Variants in DIABLO observed in about 807,000 individuals in gnomAD.
The protein encoded by DIABLO is diablo homolog, mitochondrial.
DIABLO carries 32 observed loss-of-function variants against 31.7 expected under a neutral mutation model. The ratio of observed to expected loss-of-function variants is 1.01; its 90% CI spans 0.76 to 1.35. The LOEUF is 1.35. Among genes scored for constraint, DIABLO ranks in the 40% most tolerant of loss-of-function variants. The pLI, the probability that DIABLO is intolerant of heterozygous loss-of-function variation, is 0.00. For missense variants in DIABLO, 316 were observed against 286.4 expected (o/e 1.10, Z -0.75); for synonymous variants, 132 against 103.2 (o/e 1.28, Z -1.69).
chr12:122,211,447 G>A (rs553659092), intron 5 of DIABLO, among the ~76,000 whole-genome samples: 8 of 151,738 alleles, frequency 5.3e-5, no homozygotes, highest in South Asian at 4.2e-4. Context: ...CTCAGCTCAC[G>A]CCTGTGATCC....
chr12:122,209,006 CTA>C, intron 5 of DIABLO: 1 of 330,476 alleles, frequency 3.0e-6, no homozygotes, highest in South Asian at 2.5e-5. Context: ...TATTTTTTTA[CTA>C]TAAATTTATG....
intron 2 of DIABLO, among the ~76,000 whole-genome samples, chr12:122,219,106 G>A (rs1447392331): frequency 2.0e-5 from 3 of 151,474 alleles, no homozygotes; most frequent in Non-Finnish European, 4.4e-5. Flanking sequence ...GGTGGCACAC[G>A]CCTGTAGTCC....
At chr12:122,219,218 C>T (rs1209311710) in intron 2 of DIABLO, among the ~76,000 whole-genome samples, 7 of 151,496 alleles carry the variant, frequency 4.6e-5, no homozygotes, top group South Asian at 4.2e-4. Context: ...GGTGACAGAG[C>T]GAGACTACAT....
chr12:122,216,622 A>C (rs141116532), intron 4 of DIABLO, 38 bp from the exon 5 acceptor site: 1 of 1,596,638 alleles, frequency 6.3e-7, no homozygotes, highest in African/African-American at 1.3e-5. Flanking sequence ...ACAGCATAAG[A>C]GGTCTAGCCC....
At chr12:122,215,864 C>T (rs1236888064) in intron 5 of DIABLO, among the ~76,000 whole-genome samples, 2 of 145,002 alleles carry the variant, frequency 1.4e-5, no homozygotes, top group African/African-American at 2.6e-5. Flanking sequence ...TTGTAAAACC[C>T]CATCTCTATT....
chr12:122,209,651 A>AC, intron 5 of DIABLO: 1 of 675,762 alleles, frequency 1.5e-6, no homozygotes. Context: ...GGTGAGAGTG[A>AC]AACTCGTCTC....
In DIABLO at chr12:122,222,678, G is replaced by A. The variant is rs1412954490; in HGVS notation, c.183+1834C>T. ...GACAATTTTTTCATGGACTGGGTGG[G>A]GTGAGGATGGTTTCAGGATGAAACT... On this transcript the variant is annotated intron_variant, in intron 2 of 5. Transcript: ENST00000464942. 3 of 152,136 alleles carry A rather than the reference G, an allele frequency of 2.0e-5. No homozygotes were observed. In the East Asian group the frequency reaches 5.8e-4, roughly 29 times the overall value. 9.4% of individuals were successfully genotyped at this position (152,136 alleles called of 1,614,324 possible). A position where few individuals can be genotyped will look rare whatever the true frequency, so the allele number is the denominator to read the frequency against.
At chr12:122,213,947 T>C (rs1392542431) in intron 5 of DIABLO, among the ~76,000 whole-genome samples, 1 of 151,960 alleles carries the variant, frequency 6.6e-6, no homozygotes, top group Non-Finnish European at 1.5e-5. Context: ...TAGCCAGGCA[T>C]GGTGGCAGGC....
upstream of DIABLO, chr12:122,226,676 AG>A: frequency 1.6e-6 from 1 of 619,676 alleles, no homozygotes; most frequent in South Asian, 1.8e-5. Context: ...AACGAAGGCC[AG>A]GAAGCCCACA....
upstream of DIABLO, chr12:122,226,774 G>A: frequency 3.6e-6 from 2 of 555,028 alleles, no homozygotes; most frequent in Non-Finnish European, 6.4e-6. Flanking sequence ...CTCGTTCTTC[G>A]GCTCTGATCC....
chr12:122,215,825 C>T lies in DIABLO; in HGVS notation c.523+663G>A, dbSNP rs79373666. On this transcript the variant is annotated intron_variant, in intron 5 of 5. Coordinates refer to ENST00000464942, the MANE Select transcript of DIABLO (RefSeq NM_001371333.1). ...GCCAAGGTGGGTAGACTGCTTGAGC[C>T]TAGGATTTCGAGATTAGCCTGTGCA... is the stretch of plus-strand genomic sequence containing the variant. Among the ~76,000 whole-genome samples the T allele has an allele frequency of 1.9e-3, 290 of 149,478 alleles. 6 individuals carry two copies. In the East Asian group the frequency reaches 0.041, roughly 21 times the overall value.
At chr12:122,216,682 T>A in intron 4 of DIABLO, 77 bp downstream of exon 4, 1 of 1,533,758 alleles carries the variant, frequency 6.5e-7, no homozygotes. Context: ...ATTATATTGA[T>A]TAGACTTAAT....
At chr12:122,227,453 A>C, upstream of DIABLO, 2 of 454,076 alleles carry the variant, frequency 4.4e-6, no homozygotes, top group Non-Finnish European at 8.8e-6. Context: ...ATCTCGGCAG[A>C]ACTGAGATTT....
At chr12:122,224,174 G>A (rs917035890) in intron 2 of DIABLO, among the ~76,000 whole-genome samples, 1 of 152,084 alleles carries the variant, frequency 6.6e-6, no homozygotes, top group African/African-American at 2.4e-5. Context: ...GTGAGAACAA[G>A]AATTTTTTGT....
At chr12:122,214,082 C>CA (rs1954149619) in intron 5 of DIABLO, among the ~76,000 whole-genome samples, 2 of 138,968 alleles carry the variant, frequency 1.4e-5, no homozygotes, top group Non-Finnish European at 3.3e-5. Flanking sequence ...GAGACTGTCT[C>CA]AAAAAAACAA....
Position 122,208,259 on chromosome 12 carries a change from T to TGGCCA in DIABLO, c.*117_*121dup, listed in dbSNP as rs1371157814. 2 of 1,179,434 alleles carry TGGCCA rather than the reference T, an allele frequency of 1.7e-6. No individual in the cohort carries two copies. Among genetic ancestry groups the TGGCCA allele is most frequent in the East Asian group, 4.8e-5 (2 of 41,542 alleles). The allele number at this position is 1,179,434 out of a possible 1,614,324, so 73.1% of individuals were successfully genotyped here. A position where few individuals can be genotyped will look rare whatever the true frequency, so the allele number is the denominator to read the frequency against. ...AGCTCACAAAGGCGTCTCGCCTGAT[T>TGGCCA]GGCCAGGGCAGGATCTGCCGCCTCT... is the stretch of plus-strand genomic sequence containing the variant. On this transcript the variant is annotated 3_prime_UTR_variant, in exon 6 of 6. Transcript: ENST00000464942.
intron 5 of DIABLO, among the ~76,000 whole-genome samples, chr12:122,211,811 T>C (rs2136086676): frequency 6.6e-6 from 1 of 152,318 alleles, no homozygotes; most frequent in South Asian, 2.1e-4. Context: ...CTATCAGTTT[T>C]TGCCTCATTA....
intron 1 of DIABLO, 48 bp downstream of exon 1, chr12:122,225,917 T>C: frequency 6.4e-7 from 1 of 1,556,186 alleles, no homozygotes; most frequent in Non-Finnish European, 8.7e-7. Context: ...GCTGTCCGCG[T>C]CGGTCCCTCC....
intron 5 of DIABLO, chr12:122,209,936 G>C (rs190176344): frequency 1.6e-6 from 1 of 627,614 alleles, no homozygotes; most frequent in East Asian, 2.7e-5. Context: ...ATTGTACTTA[G>C]ATTCGAATCA....
Sources: allele counts gnomAD v4.1 joint callset (sites outside exome capture counted in the v4.1 genomes callset), GRCh38; gene constraint gnomAD v4.1.1; transcripts MANE v1.5; gene names NCBI Gene and HGNC (gene_info 2026-07-23, HGNC 2026-07-21).